Variants in SHBG observed in about 807,000 individuals in gnomAD.
SHBG encodes sex hormone binding globulin.
Under a neutral mutation model 41.9 loss-of-function variants are expected in SHBG, and 37 were observed. The ratio of observed to expected loss-of-function variants is 0.88; its 90% CI spans 0.68 to 1.16. The LOEUF is 1.16. SHBG is among the 50% of genes most tolerant of loss of function. The pLI is 0.00. For synonymous variants in SHBG, 217 were observed against 205.8 expected, an observed-to-expected ratio of 1.05 and a Z score of -0.47; for missense variants, 466 against 499.9, an observed-to-expected ratio of 0.93 and a Z score of 0.65.
At chr17:7,632,725 AC>A in intron 6 of SHBG, 26 bp from the exon 7 acceptor site, 1 of 1,580,282 alleles carries the variant, frequency 6.3e-7, no homozygotes, top group Non-Finnish European at 8.7e-7. Flanking sequence ...CTCTCTCTCT[AC>A]CGTCCCTTTC....
intron 1 of SHBG, among the ~76,000 whole-genome samples, chr17:7,616,307 C>A (rs901094830): frequency 1.5e-5 from 2 of 137,908 alleles, no homozygotes; most frequent in African/African-American, 2.7e-5. Context: ...GAAATTTCTT[C>A]TTTAAAAATA....
intron 1 of SHBG, among the ~76,000 whole-genome samples, chr17:7,622,658 G>A (rs1214774535): frequency 6.6e-6 from 1 of 152,108 alleles, no homozygotes; most frequent in African/African-American, 2.4e-5. Flanking sequence ...TTGTGAAAAT[G>A]GAGTGATACT....
In SHBG at chr17:7,633,372, C is replaced by T. The variant is rs371581724; in HGVS notation, c.*20C>T. 1 of 1,612,836 alleles carries T rather than the reference C, an allele frequency of 6.2e-7. No individual in the cohort carries two copies. Among genetic ancestry groups the T allele is most frequent in the Non-Finnish European group, 8.5e-7 (1 of 1,179,174 alleles). On this transcript the variant is annotated 3_prime_UTR_variant, in exon 8 of 8. Coordinates refer to ENST00000380450, the MANE Select transcript of SHBG (RefSeq NM_001040.5). ...CATTAAAGCTCCACCTAAGAACCCC[C>T]TTTGAAAGTTACTGATTATTCATTT...
At chr17:7,628,404 C>T (rs535466096), upstream of SHBG, among the ~76,000 whole-genome samples, 127 of 151,738 alleles carry the variant, frequency 8.4e-4, 1 homozygote, top group Middle Eastern at 0.027. Flanking sequence ...GCTGGAACTA[C>T]AGTCGCGCAC....
chr17:7,632,888 C>T lies in SHBG; in HGVS notation c.989C>T (p.Pro330Leu), dbSNP rs1348151746. The T allele has an allele frequency of 6.2e-7, 1 of 1,614,034 alleles. No homozygotes were observed. The highest frequency in any genetic ancestry group is 8.5e-7 in the Non-Finnish European group (1 of 1,180,032). Residue 330 changes from proline (P) to leucine (L), a missense_variant, in exon 7 of 8, where the codon CCC becomes CTC. Transcript: ENST00000380450. ...AAGATGAAGGCCCTTGCCCTGCCTC[C>T]CTTAGGCCTGGCTCCCCTCCTTAAC... Reference protein sequence around the residue: ...GSKMKALALPPLGLAPLLNLW... With the variant: ...GSKMKALALPLLGLAPLLNLW...
At chr17:7,620,138 G>C (rs1274545446) in intron 1 of SHBG, among the ~76,000 whole-genome samples, 1 of 148,312 alleles carries the variant, frequency 6.7e-6, no homozygotes, top group East Asian at 2.0e-4. Context: ...AAAAAAAATT[G>C]AAAAAATTGA....
chr17:7,627,359 C>G, upstream of SHBG: 1 of 1,614,162 alleles, frequency 6.2e-7, no homozygotes, highest in Non-Finnish European at 8.5e-7. The surrounding 1 kb of genome is among the most constrained non-coding windows in gnomAD (Gnocchi z 4.8). Context: ...CGCTGAGCCC[C>G]CACCTTCTTC....
intron 1 of SHBG, among the ~76,000 whole-genome samples, chr17:7,622,684 T>C (rs904547014): frequency 1.3e-5 from 2 of 151,986 alleles, no homozygotes; most frequent in Admixed American, 1.3e-4. Flanking sequence ...GCAAAGATAT[T>C]CTATGAATAT....
intron 1 of SHBG, among the ~76,000 whole-genome samples, chr17:7,616,183 G>A (rs2071983118): frequency 6.6e-6 from 1 of 151,618 alleles, no homozygotes; most frequent in African/African-American, 2.4e-5. Flanking sequence ...CCAGCTACTC[G>A]GAAGGAGTCC....
intron 1 of SHBG, chr17:7,614,677 C>T: frequency 2.8e-6 from 1 of 362,004 alleles, no homozygotes; most frequent in Non-Finnish European, 4.8e-6. Context: ...CCACGGCGGC[C>T]CTGCCACAGC....
upstream of SHBG, chr17:7,626,971 C>T (rs1160697558): frequency 1.2e-6 from 2 of 1,614,002 alleles, no homozygotes; most frequent in Non-Finnish European, 1.7e-6. Context: ...CATAGATATC[C>T]TCCAGATAAA....
chr17:7,622,986 G>A (rs372738056), upstream of SHBG, among the ~76,000 whole-genome samples: 2 of 151,224 alleles, frequency 1.3e-5, no homozygotes, highest in African/African-American at 4.9e-5. Flanking sequence ...GCAGTGAGCC[G>A]AGATCGCGCC....
At chr17:7,627,704 C>G (rs759668116), upstream of SHBG, 1 of 1,564,320 alleles carries the variant, frequency 6.4e-7, no homozygotes, top group Non-Finnish European at 8.8e-7. The surrounding 1 kb of genome is among the most constrained non-coding windows in gnomAD (Gnocchi z 4.8). Context: ...CTTAAAGGGC[C>G]TACGGACTTG....
intron 1 of SHBG, among the ~76,000 whole-genome samples, chr17:7,616,451 C>CA (rs71159512): frequency 6.5e-4 from 66 of 101,516 alleles, no homozygotes; most frequent in East Asian, 2.3e-3. Context: ...ACTAAAAATA[C>CA]AAAAAAAAAA....
Position 7,630,340 on chromosome 17 carries a change from C to T in SHBG, c.111+57C>T, listed in dbSNP as rs2072360029. On this transcript the variant is annotated intron_variant, in intron 1 of 7. Transcript: ENST00000380450. This position sits in a 1 kb window ranked among gnomAD's most constrained non-coding sequence, Gnocchi z 4.6. The stretch of plus-strand genomic sequence containing the variant: ...GCAGTCTTCCCTTCTCTCCTCTGGC[C>T]CTGTAGCAGGGCCTCTCCCTCTGTC... The T allele has an allele frequency of 6.3e-7, 1 of 1,589,570 alleles. No individual in the cohort carries two copies. The highest frequency in any genetic ancestry group is 1.7e-5 in the Admixed American group (1 of 59,948).
rs766725867 is a variant in SHBG, at chr17:7,632,736, C to T, written c.853-16C>T. On this transcript the variant is annotated splice_polypyrimidine_tract_variant and intron_variant, in intron 6 of 7. Transcript: ENST00000380450. ...TTCCCTCTCTCTCTACCGTCCCTTT[C>T]CCACACACTCTGCAGAAGGTGGTGT... 1.2e-6 allele frequency: 2 copies of T among 1,604,952 alleles called. No homozygotes were observed. Among genetic ancestry groups the T allele is most frequent in the Non-Finnish European group, 1.7e-6 (2 of 1,172,656 alleles).
rs147761333 is a variant in SHBG at position 7,621,462 on chromosome 17, G to A, written c.-62+7351G>A. Among the ~76,000 whole-genome samples the A allele has an allele frequency of 8.8e-3, 1,224 of 139,832 alleles. 144 individuals carry two copies. Among genetic ancestry groups the A allele is most frequent in the Middle Eastern group, 0.017 (5 of 286 alleles). The allele number at this position is 139,832 out of a possible 152,430, so 91.7% of individuals were successfully genotyped here. The stretch of plus-strand genomic sequence containing the variant: ...AAAAAAATACAAAAATTAGCTGGGC[G>A]TGGTGGTGCACGCCTGTAATCCCAG... On this transcript the variant is annotated intron_variant, in intron 1 of 5. Coordinates refer to the SHBG transcript ENST00000570547.
intron 1 of SHBG, among the ~76,000 whole-genome samples, chr17:7,615,471 A>C: frequency 6.6e-6 from 1 of 152,354 alleles, no homozygotes; most frequent in Admixed American, 6.5e-5. Flanking sequence ...AGTAGATTTA[A>C]CAGTCATGGC....
chr17:7,624,378 G>T (rs2072153896), upstream of SHBG, among the ~76,000 whole-genome samples: 1 of 151,848 alleles, frequency 6.6e-6, no homozygotes, highest in Non-Finnish European at 1.5e-5. Flanking sequence ...CTCCCAGGTA[G>T]CTGGAATTAC....
Sources: allele counts gnomAD v4.1 joint callset (sites outside exome capture counted in the v4.1 genomes callset), GRCh38; gene constraint gnomAD v4.1.1; non-coding constraint Gnocchi (gnomAD v3.1); transcripts MANE v1.5; gene names NCBI Gene and HGNC (gene_info 2026-07-23, HGNC 2026-07-21).